Variants in COL6A3 observed in about 807,000 individuals in gnomAD.
COL6A3 encodes the protein collagen alpha-3(VI) chain.
COL6A3 carries 137 observed loss-of-function variants against 274.1 expected under a neutral mutation model. The observed-to-expected ratio is 0.50, with a 90% confidence interval of 0.44 to 0.58. COL6A3 has a LOEUF of 0.58. Among genes scored for constraint, COL6A3 ranks in the 20% least tolerant of loss-of-function variants. The probability of loss-of-function intolerance (pLI) is 0.00; values close to 1 mark genes in which losing one functional copy is unlikely to be tolerated. For missense variants in COL6A3, 3,950 were observed against 4,124.9 expected, an observed-to-expected ratio of 0.96 and a Z score of 1.16; for synonymous variants, 1,650 against 1,650.6, an observed-to-expected ratio of 1.00 and a Z score of 0.01.
chr2:237,363,275 T>C lies in COL6A3; in HGVS notation c.6041A>G (p.Asp2014Gly). ...CACAAGCTGCTCCGCTAGTTCATAATCCAAGTCCAGCAAGTTAAGCCTCAG... is the reference window on the plus strand; with the variant it reads ...CACAAGCTGCTCCGCTAGTTCATAACCCAAGTCCAGCAAGTTAAGCCTCAG... The part of the protein sequence containing the change: ...RPLRLNLLDL[D>G]YELAEQLDNI... The change falls in exon 14 of 44, where the codon GAT becomes GGT. Residue 2014 changes from aspartate (D) to glycine (G), a missense_variant. Physicochemically the swap from Asp to Gly is moderately conservative, Grantham distance 94 (BLOSUM62 -1). Coordinates refer to ENST00000295550, the MANE Select transcript of COL6A3 (RefSeq NM_004369.4). The C allele has an allele frequency of 1.2e-6, 2 of 1,613,810 alleles. No homozygotes were observed. Among genetic ancestry groups the C allele is most frequent in the Non-Finnish European group, 1.7e-6 (2 of 1,179,988 alleles).
chr2:237,371,569 G>C lies in COL6A3; in HGVS notation c.4285+163C>G. On this transcript the variant is annotated intron_variant, in intron 9 of 43. Transcript: ENST00000295550. This position sits in a 1 kb window ranked among gnomAD's most constrained non-coding sequence, Gnocchi z 4.3. ...GTTATGATCATGCCACTGCACTCCA[G>C]CCTGGACGACAGAGCCAGACCCTGT... The C allele has an allele frequency of 6.9e-7, 1 of 1,451,654 alleles. No individual in the cohort carries two copies. Among genetic ancestry groups the C allele is most frequent in the Non-Finnish European group, 9.1e-7 (1 of 1,103,624 alleles). The allele number at this position is 1,451,654 out of a possible 1,614,324, so 89.9% of individuals were successfully genotyped here.
chr2:237,412,894 G>C (rs1186714750), intron 1 of COL6A3, among the ~76,000 whole-genome samples: 1 of 152,146 alleles, frequency 6.6e-6, no homozygotes, highest in Admixed American at 6.5e-5. Context: ...ACTCCCCTGT[G>C]CTCAGAGGGG....
rs886043993 is a variant in COL6A3, at chr2:237,380,966, T to G, written c.1846A>C (p.Met616Leu). The change falls in exon 5 of 44, where the codon ATG becomes CTG. Residue 616 changes from methionine (M) to leucine (L), a missense_variant. Around this residue, in one of 5 missense-constraint regions of COL6A3, gnomAD observed 1,934 missense variants for 1,984.3 expected, o/e 0.97. Transcript: ENST00000295550. ...AGAGGTGCCAGCAAGCCAGGCAGCA[T>G]GCCTTGCAATGGGGCGGCTCGGAAC... Reference protein sequence around the residue: ...AEFRAAPLQGMLPGLLAPLRT... With the variant: ...AEFRAAPLQGLLPGLLAPLRT... The G allele has an allele frequency of 6.2e-7, 1 of 1,614,078 alleles. No individual in the cohort carries two copies. The highest frequency in any genetic ancestry group is 8.5e-7 in the Non-Finnish European group (1 of 1,180,040).
intron 25 of COL6A3, 74 bp from the exon 26 acceptor site, chr2:237,352,658 C>CTGTGGGATGGGCAG: frequency 1.4e-6 from 2 of 1,398,856 alleles, no homozygotes; most frequent in Non-Finnish European, 2.0e-6. Context: ...GGCATCTGCC[C>CTGTGGGATGGGCAG]ATCCCACAGG....
chr2:237,324,617 G>A lies in COL6A3; in HGVS notation c.*157C>T. On this transcript the variant is annotated 3_prime_UTR_variant, in exon 44 of 44. Transcript: ENST00000295550. ...CAGACACATTAGCACCATACTGATA[G>A]GTCATGCAGCAGGATGTTCCCTCCC... The A allele has an allele frequency of 1.4e-6, 1 of 700,470 alleles. No individual in the cohort carries two copies. The highest frequency in any genetic ancestry group is 2.8e-5 in the East Asian group (1 of 36,134). The allele number at this position is 700,470 out of a possible 1,614,324, so 43.4% of individuals were successfully genotyped here. A position where few individuals can be genotyped will look rare whatever the true frequency, so the allele number is the denominator to read the frequency against.
At chr2:237,357,753 C>T (rs1028367669) in intron 22 of COL6A3, 64 bp downstream of exon 22, 19 of 1,536,118 alleles carry the variant, frequency 1.2e-5, no homozygotes, top group African/African-American at 1.2e-4. Context: ...GCTGATGAGC[C>T]GAGAAGTGTG....
Position 237,344,794 on chromosome 2 carries a change from G to C in COL6A3, c.7224C>G (p.Asp2408Glu), listed in dbSNP as rs377084627. ...VFPTELAFAL[D>E]TSEGVNQDTF... is the part of the protein sequence containing the mutation. The stretch of plus-strand genomic sequence containing the variant: ...TGTCTTGGTTGACTCCCTCAGAGGT[G>C]TCTAAAGCAAAGGCTAGTTCTGTTG... The change falls in exon 36 of 44, where the codon GAC becomes GAG. Residue 2408 changes from aspartate (D) to glutamate (E), a missense_variant. Asp to Glu is a conservative substitution (Grantham distance 45). This residue lies in a region of COL6A3 where 1,284 missense variants were observed against 1,349.7 expected (regional missense o/e 0.95). Transcript: ENST00000295550. This position sits in a 1 kb window ranked among gnomAD's most constrained non-coding sequence, Gnocchi z 4.8. 5.6e-6 allele frequency: 9 copies of C among 1,610,304 alleles called. No individual in the cohort carries two copies. Among genetic ancestry groups the C allele is most frequent in the East Asian group, 2.2e-5 (1 of 44,858 alleles).
chr2:237,334,831 G>A lies in COL6A3; in HGVS notation c.9024C>T (p.His3008=). ...FEITENSAKL[H]WERAEPPGPY... Reference sequence around the variant, plus strand: ...GACCGGGGGGCTCAGCCCTCTCCCAGTGGAGTTTGGCGCTGTTCTCTGTTA... The same window carrying A: ...GACCGGGGGGCTCAGCCCTCTCCCAATGGAGTTTGGCGCTGTTCTCTGTTA... The change falls in exon 41 of 44, where the codon CAC becomes CAT. Residue 3008 remains histidine, a synonymous_variant. Coordinates refer to ENST00000295550, the MANE Select transcript of COL6A3 (RefSeq NM_004369.4). 1 of 1,614,198 alleles carries A rather than the reference G, an allele frequency of 6.2e-7. No homozygotes were observed. Among genetic ancestry groups the A allele is most frequent in the Non-Finnish European group, 8.5e-7 (1 of 1,180,024 alleles).
intron 36 of COL6A3, chr2:237,342,703 T>A (rs907442714): frequency 6.3e-6 from 1 of 158,246 alleles, no homozygotes; most frequent in African/African-American, 2.4e-5. Context: ...AGCAAATAAT[T>A]AATGAATGAA....
In COL6A3 at chr2:237,363,524, A is replaced by C. The variant is rs2077484562; in HGVS notation, c.5918-126T>G. The stretch of plus-strand genomic sequence containing the variant: ...TTTAGCTTTTAACTTAAATATATTT[A>C]ATCAAGTTTACTGGCTACTCTGAAT... On this transcript the variant is annotated intron_variant, in intron 13 of 43. Coordinates refer to ENST00000295550, the MANE Select transcript of COL6A3 (RefSeq NM_004369.4). 3.7e-6 allele frequency: 4 copies of C among 1,079,388 alleles called. No individual in the cohort carries two copies. The Admixed American group carries it at 8.4e-5, about 23-fold the overall frequency. The allele number at this position is 1,079,388 out of a possible 1,614,324, so 66.9% of individuals were successfully genotyped here. A position where few individuals can be genotyped will look rare whatever the true frequency, so the allele number is the denominator to read the frequency against.
At chr2:237,346,588 T>C (rs1205431963) in intron 31 of COL6A3, 23 bp from the exon 32 acceptor site, 1 of 1,604,416 alleles carries the variant, frequency 6.2e-7, no homozygotes. Flanking sequence ...GAACAAACAT[T>C]GTTCAACTGT....
chr2:237,364,863 ATG>A lies in COL6A3; in HGVS notation c.5839-437_5839-436del, dbSNP rs1345981129. 6.9e-6 allele frequency among the ~76,000 whole-genome samples: 1 copy of A among 145,328 alleles called. No homozygotes were observed. The highest frequency in any genetic ancestry group is 1.5e-5 in the Non-Finnish European group (1 of 66,384). On this transcript the variant is annotated intron_variant, in intron 12 of 43. Coordinates refer to ENST00000295550, the MANE Select transcript of COL6A3 (RefSeq NM_004369.4). This position sits in a 1 kb window ranked among gnomAD's most constrained non-coding sequence, Gnocchi z 4.6. ...TGGGTGTACATGTGTGTGGGTGCGT[ATG>A]TGTGTGCATGTGTATGGGTGCATGT... is the stretch of plus-strand genomic sequence containing the variant.
At position 237,362,042 on chromosome 2, in the gene COL6A3, T is replaced by C. The variant is rs73093733; in HGVS notation, c.6064-211A>G. Among the ~76,000 whole-genome samples the C allele has an allele frequency of 6.3e-3, 965 of 152,268 alleles. 17 individuals carry two copies. The highest frequency in any genetic ancestry group is 0.021 in the African/African-American group (865 of 41,552). On this transcript the variant is annotated intron_variant, in intron 14 of 43. Coordinates refer to ENST00000295550, the MANE Select transcript of COL6A3 (RefSeq NM_004369.4). The stretch of plus-strand genomic sequence containing the variant: ...CAGCTCCTGGCGGTCGGGGTGCAGA[T>C]GGGAGGTCACCAATAGGAAAGTAAA...
intron 31 of COL6A3, 22 bp from the exon 32 acceptor site, chr2:237,346,587 T>C: frequency 1.2e-6 from 2 of 1,606,768 alleles, no homozygotes; most frequent in Non-Finnish European, 1.7e-6. Flanking sequence ...AGAACAAACA[T>C]TGTTCAACTG....
intron 2 of COL6A3, 151 bp from the exon 3 acceptor site, chr2:237,395,355 C>T: frequency 1.2e-6 from 1 of 844,070 alleles, no homozygotes; most frequent in Middle Eastern, 3.5e-4. Flanking sequence ...GACTCACTTA[C>T]CTGGGAACCA....
chr2:237,370,478 C>T (rs1175794673), intron 9 of COL6A3, among the ~76,000 whole-genome samples: 2 of 152,124 alleles, frequency 1.3e-5, no homozygotes, highest in Admixed American at 1.3e-4. Flanking sequence ...GCCTCATGAT[C>T]AGCCCACCTC....
chr2:237,356,938 C>A (rs182932231), intron 23 of COL6A3: 173 of 269,696 alleles, frequency 6.4e-4, no homozygotes, highest in South Asian at 2.4e-3. Flanking sequence ...CAGCATCCCC[C>A]CAAAAACCCA....
intron 1 of COL6A3, among the ~76,000 whole-genome samples, chr2:237,401,176 G>T (rs141007457): frequency 6.6e-6 from 1 of 152,170 alleles, no homozygotes; most frequent in African/African-American, 2.4e-5. Flanking sequence ...AGCCTCCATC[G>T]TATGAATGTT....
intron 23 of COL6A3, chr2:237,355,421 T>C (rs4663254): frequency 0.33 from 52,490 of 157,036 alleles, 9,891 homozygotes; most frequent in East Asian, 0.42. Flanking sequence ...AAGTAAAATA[T>C]CTGAAGCACA....
Sources: gnomAD v4.1 joint callset for allele counts (sites outside exome capture counted in the v4.1 genomes callset) on GRCh38, gnomAD v4.1.1 for gene constraint, gnomAD v4.1.1 regional missense constraint, Gnocchi (gnomAD v3.1) non-coding constraint, MANE v1.5 for transcripts, NCBI Gene and HGNC (gene_info 2026-07-23, HGNC 2026-07-21) for gene names.